Variants in OLA1 observed in about 807,000 individuals in gnomAD.
The protein encoded by OLA1 is Obg like ATPase 1.
In OLA1, 14 loss-of-function variants were observed where a neutral mutation model predicts 48.4. The observed-to-expected ratio is 0.29, with a 90% confidence interval of 0.19 to 0.45. OLA1 has a LOEUF of 0.45. Ranked by LOEUF, OLA1 falls within the 20% of genes least tolerant of loss-of-function variation. The probability of loss-of-function intolerance (pLI) is 1.00; values close to 1 mark genes in which losing one functional copy is unlikely to be tolerated. For missense variants in OLA1, 325 were observed against 467.1 expected, an observed-to-expected ratio of 0.70 and a Z score of 2.80; for synonymous variants, 127 against 150.4, an observed-to-expected ratio of 0.84 and a Z score of 1.14.
At chr2:174,078,176 T>C (rs1684789877) in intron 10 of OLA1, among the ~76,000 whole-genome samples, 1 of 152,024 alleles carries the variant, frequency 6.6e-6, no homozygotes, top group Admixed American at 6.6e-5. Flanking sequence ...TTGTATTCCT[T>C]TCAACTTATG....
At chr2:174,241,120 A>T (rs985080094) in intron 2 of OLA1, among the ~76,000 whole-genome samples, 13 of 152,222 alleles carry the variant, frequency 8.5e-5, no homozygotes, top group Non-Finnish European at 1.5e-5. Context: ...ACTTAGAAAG[A>T]GAATGAGGCC....
intron 7 of OLA1, among the ~76,000 whole-genome samples, chr2:174,101,651 T>C (rs1685400568): frequency 6.6e-6 from 1 of 152,164 alleles, no homozygotes; most frequent in African/African-American, 2.4e-5. Flanking sequence ...GTGGAAGTGT[T>C]TGAAGCTAAT....
chr2:174,090,797 C>T (rs1685097073), intron 7 of OLA1, among the ~76,000 whole-genome samples: 2 of 152,160 alleles, frequency 1.3e-5, no homozygotes. Flanking sequence ...TAGCTGAAGG[C>T]ATCCCGATAC....
chr2:174,182,413 T>C (rs1687567973), intron 4 of OLA1, among the ~76,000 whole-genome samples: 2 of 151,936 alleles, frequency 1.3e-5, no homozygotes, highest in Admixed American at 1.3e-4. Flanking sequence ...GTAATTCCAC[T>C]TACTCAGGAG....
intron 9 of OLA1, among the ~76,000 whole-genome samples, chr2:174,080,009 T>A (rs1316410624): frequency 6.6e-6 from 1 of 152,082 alleles, no homozygotes; most frequent in African/African-American, 2.4e-5. Flanking sequence ...TAGAAAGTTT[T>A]AAGGCTTTAA....
chr2:174,134,062 A>G (rs1035141166), intron 5 of OLA1, among the ~76,000 whole-genome samples: 1 of 152,186 alleles, frequency 6.6e-6, no homozygotes, highest in Non-Finnish European at 1.5e-5. Flanking sequence ...CTTCTTTCAC[A>G]TGGCATAATG....
At chr2:174,161,154 TC>T (rs1267533609) in intron 4 of OLA1, among the ~76,000 whole-genome samples, 1 of 152,186 alleles carries the variant, frequency 6.6e-6, no homozygotes, top group African/African-American at 2.4e-5. Flanking sequence ...TAAGAATGCA[TC>T]CAACTATATC....
chr2:174,142,116 G>C, intron 4 of OLA1, 116 bp from the exon 5 acceptor site: 1 of 919,844 alleles, frequency 1.1e-6, no homozygotes, highest in Non-Finnish European at 1.6e-6. Flanking sequence ...AATTACTCTG[G>C]CTTCTTGGCA....
chr2:174,095,835 AAGAC>A (rs1426963676), intron 7 of OLA1, among the ~76,000 whole-genome samples: 1 of 152,192 alleles, frequency 6.6e-6, no homozygotes, highest in Non-Finnish European at 1.5e-5. Flanking sequence ...CAACGATAAA[AAGAC>A]AGAAATTAAG....
intron 4 of OLA1, among the ~76,000 whole-genome samples, chr2:174,216,265 T>C (rs79993107): frequency 0.13 from 19,588 of 152,104 alleles, 1,457 homozygotes; most frequent in East Asian, 0.21. Context: ...ATTGTACCAC[T>C]GCACTCCAGC....
intron 4 of OLA1, among the ~76,000 whole-genome samples, chr2:174,164,781 C>T (rs1687123324): frequency 6.6e-6 from 1 of 152,146 alleles, no homozygotes; most frequent in Non-Finnish European, 1.5e-5. Flanking sequence ...ATTTACGTAA[C>T]TTCAGGTAAG....
intron 4 of OLA1, among the ~76,000 whole-genome samples, chr2:174,177,460 C>A (rs1687444928): frequency 6.6e-6 from 1 of 152,092 alleles, no homozygotes; most frequent in Admixed American, 6.6e-5. Context: ...ATTTTAACTG[C>A]ATGAAAGTCT....
intron 4 of OLA1, among the ~76,000 whole-genome samples, chr2:174,173,375 T>C (rs1373158337): frequency 6.6e-6 from 1 of 152,238 alleles, no homozygotes; most frequent in East Asian, 1.9e-4. Flanking sequence ...TCATTACCTA[T>C]ACGGCGTGAG....
chr2:174,228,920 C>T (rs1187686558), intron 3 of OLA1, among the ~76,000 whole-genome samples: 1 of 152,190 alleles, frequency 6.6e-6, no homozygotes, highest in East Asian at 1.9e-4. Context: ...CTCTGTTGCC[C>T]AGGCTGAAGT....
At chr2:174,160,265 G>A (rs1686980510) in intron 4 of OLA1, among the ~76,000 whole-genome samples, 1 of 151,992 alleles carries the variant, frequency 6.6e-6, no homozygotes, top group African/African-American at 2.4e-5. Flanking sequence ...AAACCTATCT[G>A]GAAATGAAAT....
intron 9 of OLA1, among the ~76,000 whole-genome samples, chr2:174,080,337 T>C (rs1684830538): frequency 1.3e-5 from 2 of 152,082 alleles, no homozygotes; most frequent in African/African-American, 4.8e-5. Context: ...TTAAAAAGCA[T>C]AATAAAAGAC....
At chr2:174,130,866 G>A (rs1259648324) in intron 5 of OLA1, among the ~76,000 whole-genome samples, 1 of 152,140 alleles carries the variant, frequency 6.6e-6, no homozygotes, top group Non-Finnish European at 1.5e-5. Context: ...ACTTATGCTG[G>A]TTAGGAAGCT....
intron 4 of OLA1, among the ~76,000 whole-genome samples, chr2:174,184,670 T>C (rs941512773): frequency 2.6e-5 from 4 of 152,136 alleles, no homozygotes; most frequent in Non-Finnish European, 4.4e-5. Flanking sequence ...AAATGTACCA[T>C]AGTAAAATGA....
At chr2:174,081,637 C>T (rs1444306733) in intron 8 of OLA1, among the ~76,000 whole-genome samples, 3 of 152,052 alleles carry the variant, frequency 2.0e-5, no homozygotes, top group African/African-American at 7.2e-5. Context: ...ACCCTTTCCC[C>T]TCCCCCACTG....
Sources: gnomAD v4.1 joint callset for allele counts (sites outside exome capture counted in the v4.1 genomes callset) on GRCh38, gnomAD v4.1.1 for gene constraint, MANE v1.5 for transcripts, NCBI Gene and HGNC (gene_info 2026-07-23, HGNC 2026-07-21) for gene names.